Variants in SDK2 observed in about 807,000 individuals in gnomAD.
The protein encoded by SDK2 is sidekick cell adhesion molecule 2.
In SDK2, 105 loss-of-function variants were observed where a neutral mutation model predicts 253.9. The ratio of observed to expected loss-of-function variants is 0.41; its 90% CI spans 0.35 to 0.49. The LOEUF is 0.49. Ranked by LOEUF, SDK2 falls within the 20% of genes least tolerant of loss-of-function variation. SDK2 has a pLI of 0.06. For synonymous variants in SDK2, 1,249 were observed against 1,234.9 expected (o/e 1.01, Z -0.24); for missense variants, 2,608 against 3,003.0 (o/e 0.87, Z 3.07).
At chr17:73,473,248 T>A (rs984996151) in intron 2 of SDK2, among the ~76,000 whole-genome samples, 2 of 152,146 alleles carry the variant, frequency 1.3e-5, no homozygotes, top group Admixed American at 1.3e-4. Flanking sequence ...GGAGCAGGTG[T>A]ATGTACATTC....
intron 2 of SDK2, among the ~76,000 whole-genome samples, chr17:73,489,096 A>G (rs1300496916): frequency 6.6e-6 from 1 of 152,196 alleles, no homozygotes; most frequent in African/African-American, 2.4e-5. Flanking sequence ...AATAATGACA[A>G]CAACAAAAGC....
intron 43 of SDK2, among the ~76,000 whole-genome samples, 193 bp downstream of exon 43, chr17:73,350,044 C>T (rs2062520453): frequency 6.6e-6 from 1 of 152,206 alleles, no homozygotes; most frequent in East Asian, 1.9e-4. Flanking sequence ...ATGGTGGGGA[C>T]TGGGACCCTA....
intron 1 of SDK2, among the ~76,000 whole-genome samples, chr17:73,523,868 C>T (rs2064104052): frequency 6.6e-6 from 1 of 152,174 alleles, no homozygotes; most frequent in African/African-American, 2.4e-5. Context: ...CTCTTGTATG[C>T]TCACATGTCC....
intron 1 of SDK2, among the ~76,000 whole-genome samples, chr17:73,602,023 C>T (rs1034229897): frequency 2.0e-5 from 3 of 152,220 alleles, no homozygotes; most frequent in Admixed American, 6.5e-5. Flanking sequence ...GGATTACAGG[C>T]GTGAGCCGCC....
intron 36 of SDK2, among the ~76,000 whole-genome samples, chr17:73,372,157 C>T (rs927368426): frequency 1.3e-4 from 20 of 152,174 alleles, no homozygotes; most frequent in African/African-American, 2.7e-4. Context: ...CCAGGCACTC[C>T]GGCAGGTGCA....
chr17:73,617,700 ATAAT>A (rs2046079416), intron 1 of SDK2, among the ~76,000 whole-genome samples: 1 of 152,190 alleles, frequency 6.6e-6, no homozygotes, highest in African/African-American at 2.4e-5. Context: ...GAACTCATAA[ATAAT>A]TAGTGAGTCT....
At chr17:73,497,502 A>G (rs541299588) in intron 2 of SDK2, among the ~76,000 whole-genome samples, 1 of 152,268 alleles carries the variant, frequency 6.6e-6, no homozygotes, top group South Asian at 2.1e-4. Flanking sequence ...TCCAGCATCC[A>G]AAACTGAGTA....
chr17:73,498,393 T>G (rs1466982396), intron 2 of SDK2, among the ~76,000 whole-genome samples: 2 of 152,210 alleles, frequency 1.3e-5, no homozygotes, highest in Non-Finnish European at 2.9e-5. Flanking sequence ...TAGAGTCCTG[T>G]GAGCACCTCT....
chr17:73,432,494 CT>C (rs1291154923), intron 10 of SDK2, among the ~76,000 whole-genome samples: 2 of 152,150 alleles, frequency 1.3e-5, no homozygotes, highest in Non-Finnish European at 2.9e-5. Flanking sequence ...AGGTGTGCCC[CT>C]ATTATCCCCA....
At chr17:73,623,356 G>C (rs566666058) in intron 1 of SDK2, among the ~76,000 whole-genome samples, 2 of 152,120 alleles carry the variant, frequency 1.3e-5, no homozygotes, top group Admixed American at 1.3e-4. Context: ...GTCTGGCTCT[G>C]GGGTTCCCCC....
rs8080047 is a variant in SDK2 at position 73,629,999 on chromosome 17, C to G, written c.64+14026G>C. On this transcript the variant is annotated intron_variant, in intron 1 of 44. Coordinates refer to ENST00000392650, the MANE Select transcript of SDK2 (RefSeq NM_001144952.2). The surrounding 1 kb of genome is among the most constrained non-coding windows in gnomAD (Gnocchi z 5.0). ...TGAGTGCTGGTCAATACCAACCCCC[C>G]ACCAGGTGCAAGGCCATCACCACGT... 0.02 allele frequency among the ~76,000 whole-genome samples: 2,974 copies of G among 152,216 alleles called. 112 individuals carry two copies. The highest frequency in any genetic ancestry group is 0.067 in the African/African-American group (2,799 of 41,500).
Position 73,414,748 on chromosome 17 carries a change from G to A in SDK2, c.2380C>T (p.Pro794Ser), listed in dbSNP as rs1160724261. 1.9e-6 allele frequency: 3 copies of A among 1,613,050 alleles called. No homozygotes were observed. Among genetic ancestry groups the A allele is most frequent in the Non-Finnish European group, 2.5e-6 (3 of 1,179,310 alleles). ...EWTLQGVPTV[P>S]PGNVHAEATN... ...GCTTCCGCGTGCACATTGCCCGGAG[G>A]GACCGTGGGAACTAGAGGAGATGAG... The change falls in exon 18 of 45, where the codon CCT becomes TCT. Residue 794 changes from proline to serine, a missense_variant. Coordinates refer to ENST00000392650, the MANE Select transcript of SDK2 (RefSeq NM_001144952.2).
chr17:73,387,913 G>GCA lies in SDK2; in HGVS notation c.4316_4317insTG (p.Arg1440AlafsTer16). 1 of 1,590,390 alleles carries GCA rather than the reference G, an allele frequency of 6.3e-7. No individual in the cohort carries two copies. Among genetic ancestry groups the GCA allele is most frequent in the Non-Finnish European group, 8.6e-7 (1 of 1,169,162 alleles). ...CCCACCTGCCGCTGGGCAGCTCGCG[G>GCA]GTCTGGATGGTGTAGTAGCGCACAG... On this transcript the variant is annotated frameshift_variant, in exon 30 of 45. Coordinates refer to ENST00000392650, the MANE Select transcript of SDK2 (RefSeq NM_001144952.2). LOFTEE classifies it high-confidence loss of function.
chr17:73,390,503 C>A, intron 28 of SDK2, 22 bp from the exon 29 acceptor site: 1 of 1,594,678 alleles, frequency 6.3e-7, no homozygotes, highest in Non-Finnish European at 8.6e-7. Context: ...AAGCACATGG[C>A]TATTATGGCA....
chr17:73,474,448 C>A (rs891488935), intron 2 of SDK2, among the ~76,000 whole-genome samples: 1 of 152,212 alleles, frequency 6.6e-6, no homozygotes, highest in Non-Finnish European at 1.5e-5. Context: ...AGGGCCCCAC[C>A]CTCCATCCTG....
At chr17:73,539,478 C>T (rs560225905) in intron 1 of SDK2, among the ~76,000 whole-genome samples, 2 of 105,474 alleles carry the variant, frequency 1.9e-5, no homozygotes, top group South Asian at 3.6e-4. Flanking sequence ...CAGATGGGGA[C>T]GCTGATGGGG....
chr17:73,462,818 T>C (rs1346174779), intron 3 of SDK2, among the ~76,000 whole-genome samples: 1 of 152,188 alleles, frequency 6.6e-6, no homozygotes, highest in African/African-American at 2.4e-5. Context: ...TCACTGTGGC[T>C]CTCAGGCCCC....
At position 73,629,358 on chromosome 17, in the gene SDK2, C is replaced by T. The variant is rs1329701518; in HGVS notation, c.64+14667G>A. Among the ~76,000 whole-genome samples the T allele has an allele frequency of 5.3e-5, 8 of 152,132 alleles. No homozygotes were observed. Among genetic ancestry groups the T allele is most frequent in the Non-Finnish European group, 7.3e-5 (5 of 68,030 alleles). ...TCACCGTGGTTTAAGCTGCTGTTTC[C>T]CTCCTGACGCTTGCATAGCTTCTAT... On this transcript the variant is annotated intron_variant, in intron 1 of 44. Transcript: ENST00000392650. The surrounding 1 kb of genome is among the most constrained non-coding windows in gnomAD (Gnocchi z 5.0).
intron 3 of SDK2, among the ~76,000 whole-genome samples, chr17:73,466,979 C>T (rs1021618373): frequency 3.9e-5 from 6 of 152,050 alleles, no homozygotes; most frequent in Admixed American, 6.5e-5. Context: ...CAAGACATGC[C>T]GTTATTTCAG....
Sources: allele counts gnomAD v4.1 joint callset (sites outside exome capture counted in the v4.1 genomes callset), GRCh38; gene constraint gnomAD v4.1.1; non-coding constraint Gnocchi (gnomAD v3.1); transcripts MANE v1.5; gene names NCBI Gene and HGNC (gene_info 2026-07-23, HGNC 2026-07-21).